ALDH7A1: variants seen among roughly 807,000 people sequenced by gnomAD.
ALDH7A1 encodes alpha-aminoadipic semialdehyde dehydrogenase.
Under a neutral mutation model 79.9 loss-of-function variants are expected in ALDH7A1, and 63 were observed. The observed-to-expected ratio is 0.79, with a 90% CI of 0.64 to 0.97. The LOEUF (loss-of-function observed/expected upper bound fraction) is 0.97. Ranked by LOEUF, ALDH7A1 falls within the 50% of genes least tolerant of loss-of-function variation. The pLI is 0.00. For missense variants in ALDH7A1, 627 were observed against 665.2 expected (o/e 0.94, Z 0.63); for synonymous variants, 240 against 231.2 (o/e 1.04, Z -0.34).
chr5:126,558,205 CA>C (rs1283993003), intron 11 of ALDH7A1, among the ~76,000 whole-genome samples: 22 of 104,360 alleles, frequency 2.1e-4, no homozygotes, highest in African/African-American at 5.4e-4. Context: ...AAAAACAAAA[CA>C]AAAAAAACTT....
At chr5:126,550,967 T>A (rs913202109) in intron 14 of ALDH7A1, among the ~76,000 whole-genome samples, 1 of 152,210 alleles carries the variant, frequency 6.6e-6, no homozygotes, top group Non-Finnish European at 1.5e-5. Flanking sequence ...GGGAATGAGA[T>A]CTTCTAATTT....
chr5:126,570,851 G>T lies in ALDH7A1; in HGVS notation c.704C>A (p.Ala235Asp), dbSNP rs1394685886. The change falls in exon 8 of 18, where the codon GCC (alanine) becomes GAC (aspartate). Residue 235 changes from alanine (A) to aspartate (D), a missense_variant. Coordinates refer to ENST00000409134, the MANE Select transcript of ALDH7A1 (RefSeq NM_001182.5). ...CAGCTTGTTGTCCTCCAGAACCTTG[G>T]CTATTATCCTAGAAAGGAAAAAGCA... ...LISVAVTKII[A>D]KVLEDNKLPG... The T allele has an allele frequency of 1.2e-6, 2 of 1,613,680 alleles. No individual in the cohort carries two copies. Among genetic ancestry groups the T allele is most frequent in the African/African-American group, 2.7e-5 (2 of 74,884 alleles).
intron 5 of ALDH7A1, 107 bp downstream of exon 5, chr5:126,582,744 C>G (rs1372754873): frequency 1.6e-6 from 2 of 1,279,218 alleles, no homozygotes; most frequent in African/African-American, 3.0e-5. Context: ...CATATTTATG[C>G]CACTTGAAAT....
chr5:126,577,878 T>C (rs532151211), intron 5 of ALDH7A1, among the ~76,000 whole-genome samples: 1 of 151,218 alleles, frequency 6.6e-6, no homozygotes, highest in East Asian at 2.0e-4. Context: ...ACATATTCTT[T>C]ATGTTACCTG....
chr5:126,545,781 G>C (rs908510579), intron 17 of ALDH7A1, among the ~76,000 whole-genome samples: 3 of 148,564 alleles, frequency 2.0e-5, no homozygotes, highest in Admixed American at 6.7e-5. Flanking sequence ...GACAGAGCAA[G>C]ACTCCATCTC....
At chr5:126,577,041 ATCAC>A (rs776354244) in intron 6 of ALDH7A1, 34 bp downstream of exon 6, 10 of 1,612,618 alleles carry the variant, frequency 6.2e-6, no homozygotes, top group Non-Finnish European at 8.5e-7. Context: ...GGCTATTTTT[ATCAC>A]TCACTACTAA....
At chr5:126,582,761 T>C (rs1751219324) in intron 5 of ALDH7A1, 90 bp downstream of exon 5, 4 of 1,491,410 alleles carry the variant, frequency 2.7e-6, no homozygotes, top group Non-Finnish European at 3.7e-6. Flanking sequence ...AAATTTCTCT[T>C]TTGCACAGTC....
chr5:126,576,182 G>A (rs1750959739), intron 6 of ALDH7A1, among the ~76,000 whole-genome samples: 1 of 148,532 alleles, frequency 6.7e-6, no homozygotes, highest in South Asian at 2.1e-4. Flanking sequence ...AGAATGGCGT[G>A]AACCTGGGAG....
intron 16 of ALDH7A1, among the ~76,000 whole-genome samples, chr5:126,548,336 G>A (rs1749868708): frequency 6.6e-6 from 1 of 151,670 alleles, no homozygotes; most frequent in African/African-American, 2.4e-5. Context: ...TTTTTGTAGA[G>A]ACAGGGTCCT....
At chr5:126,571,053 C>A in intron 7 of ALDH7A1, 194 bp from the exon 8 acceptor site, 4 of 572,826 alleles carry the variant, frequency 7.0e-6, no homozygotes, top group South Asian at 3.8e-5. Flanking sequence ...ACATTAAGAA[C>A]CCTCTTATAC....
At chr5:126,576,085 C>T (rs1041593536) in intron 6 of ALDH7A1, among the ~76,000 whole-genome samples, 1 of 151,948 alleles carries the variant, frequency 6.6e-6, no homozygotes, top group Non-Finnish European at 1.5e-5. Flanking sequence ...CACAGTGAAA[C>T]CCCTTCTCTA....
chr5:126,567,515 C>A (rs972179725), intron 9 of ALDH7A1, among the ~76,000 whole-genome samples: 1 of 152,060 alleles, frequency 6.6e-6, no homozygotes, highest in Admixed American at 6.6e-5. Flanking sequence ...ACTCTGTCAC[C>A]CAGGCTGGAG....
intron 14 of ALDH7A1, among the ~76,000 whole-genome samples, chr5:126,550,872 G>A (rs1390210876): frequency 6.6e-6 from 1 of 152,172 alleles, no homozygotes; most frequent in Non-Finnish European, 1.5e-5. Context: ...GTTAATAATG[G>A]TACATTCAAA....
chr5:126,579,426 T>C (rs1003151620), intron 5 of ALDH7A1, among the ~76,000 whole-genome samples: 4 of 152,204 alleles, frequency 2.6e-5, no homozygotes, highest in African/African-American at 9.6e-5. Context: ...TACTCCCTCA[T>C]ATTACTTACC....
intron 9 of ALDH7A1, chr5:126,562,291 C>A (rs964359945): frequency 1.3e-5 from 2 of 151,652 alleles, no homozygotes; most frequent in African/African-American, 4.8e-5. Flanking sequence ...CAGCCTCAAC[C>A]TCCTGGGCTC....
chr5:126,591,927 CTTT>C (rs535978673), intron 3 of ALDH7A1: 8 of 131,274 alleles, frequency 6.1e-5, no homozygotes, highest in South Asian at 2.4e-4. Context: ...TGCCACTGCT[CTTT>C]TTTTTTTTTT....
chr5:126,577,280 A>G, intron 5 of ALDH7A1, 69 bp from the exon 6 acceptor site: 1 of 1,587,434 alleles, frequency 6.3e-7, no homozygotes, highest in Non-Finnish European at 8.6e-7. Flanking sequence ...TAATAAGAAC[A>G]AACGTACAGC....
At chr5:126,587,231 A>G (rs1240218695) in intron 3 of ALDH7A1, 2 of 152,226 alleles carry the variant, frequency 1.3e-5, no homozygotes, top group Non-Finnish European at 2.9e-5. Context: ...AAACTGGCTC[A>G]TGGAAGAAAG....
At chr5:126,575,154 A>G (rs1750922740) in intron 7 of ALDH7A1, among the ~76,000 whole-genome samples, 2 of 152,220 alleles carry the variant, frequency 1.3e-5, no homozygotes, top group Admixed American at 1.3e-4. Context: ...TTTCCACTGA[A>G]GATGCTTTTA....
Sources: gnomAD v4.1 joint callset for allele counts (sites outside exome capture counted in the v4.1 genomes callset) on GRCh38, gnomAD v4.1.1 for gene constraint, MANE v1.5 for transcripts, NCBI Gene and HGNC (gene_info 2026-07-23, HGNC 2026-07-21) for gene names.